Variants in STXBP5L observed in about 807,000 individuals in gnomAD.
STXBP5L encodes the protein syntaxin-binding protein 5-like.
Under a neutral mutation model 144.5 loss-of-function variants are expected in STXBP5L, and 65 were observed. The ratio of observed to expected loss-of-function variants is 0.45; its 90% CI spans 0.37 to 0.55. The LOEUF (loss-of-function observed/expected upper bound fraction) is 0.55. STXBP5L is among the 20% of genes least tolerant of loss of function. STXBP5L has a pLI of 0.00. For synonymous variants in STXBP5L, 505 were observed against 469.6 expected (o/e 1.08, Z -0.97); for missense variants, 1,298 against 1,405.5 (o/e 0.92, Z 1.22).
chr3:121,153,287 G>A (rs548277972), intron 8 of STXBP5L, among the ~76,000 whole-genome samples: 10 of 152,064 alleles, frequency 6.6e-5, no homozygotes, highest in East Asian at 5.8e-4. Flanking sequence ...TAAGAAGACC[G>A]TAAAACTGGG....
chr3:121,047,631 T>G (rs1259483045), intron 5 of STXBP5L, among the ~76,000 whole-genome samples: 1 of 152,208 alleles, frequency 6.6e-6, no homozygotes, highest in African/African-American at 2.4e-5. Context: ...TTTTTTGATC[T>G]TTGTTAGCTT....
chr3:121,393,580 CT>C (rs1461135237), intron 22 of STXBP5L, among the ~76,000 whole-genome samples: 1 of 152,160 alleles, frequency 6.6e-6, no homozygotes, highest in Non-Finnish European at 1.5e-5. Flanking sequence ...ACATTTAAAT[CT>C]GTAATTCACC....
intron 3 of STXBP5L, among the ~76,000 whole-genome samples, chr3:121,017,241 C>T (rs1945206360): frequency 6.6e-6 from 1 of 151,982 alleles, no homozygotes. Context: ...AATCTCACAC[C>T]CACACATGAT....
At chr3:121,302,695 G>GGAACAGAACA (rs1450849290) in intron 19 of STXBP5L, among the ~76,000 whole-genome samples, 2 of 152,060 alleles carry the variant, frequency 1.3e-5, no homozygotes, top group East Asian at 3.8e-4. Context: ...ATAGACCAAT[G>GGAACAGAACA]GAACAGAACA....
At chr3:121,229,113 C>G (rs1355672546) in intron 11 of STXBP5L, among the ~76,000 whole-genome samples, 1 of 152,156 alleles carries the variant, frequency 6.6e-6, no homozygotes, top group Non-Finnish European at 1.5e-5. Flanking sequence ...TACTGAGACA[C>G]CCTGCCTCAC....
At chr3:121,078,748 G>T (rs1453164894) in intron 5 of STXBP5L, among the ~76,000 whole-genome samples, 1 of 152,244 alleles carries the variant, frequency 6.6e-6, no homozygotes, top group African/African-American at 2.4e-5. Flanking sequence ...ATGCCAGTGG[G>T]CCAGCACTGC....
At chr3:121,370,609 G>C (rs933499647) in intron 20 of STXBP5L, among the ~76,000 whole-genome samples, 7 of 152,148 alleles carry the variant, frequency 4.6e-5, no homozygotes, top group Admixed American at 3.3e-4. Flanking sequence ...TTTCTATGTT[G>C]CTTCCATTCT....
intron 3 of STXBP5L, among the ~76,000 whole-genome samples, chr3:120,979,978 T>A (rs1033696344): frequency 4.6e-5 from 7 of 152,240 alleles, no homozygotes; most frequent in Non-Finnish European, 8.8e-5. Flanking sequence ...TCATTATTGA[T>A]GCAACAATCT....
At chr3:121,201,941 G>A (rs1161470418) in intron 9 of STXBP5L, among the ~76,000 whole-genome samples, 4 of 152,166 alleles carry the variant, frequency 2.6e-5, no homozygotes, top group East Asian at 1.9e-4. Flanking sequence ...TTTTTAGTAA[G>A]GACAGGGTTT....
chr3:121,066,833 T>C (rs1002266184), intron 5 of STXBP5L, among the ~76,000 whole-genome samples: 2 of 152,084 alleles, frequency 1.3e-5, no homozygotes, highest in African/African-American at 4.8e-5. Flanking sequence ...AGTAAAGCAA[T>C]GTAGGCCTGG....
At chr3:121,045,221 C>G (rs1055995093) in intron 4 of STXBP5L, among the ~76,000 whole-genome samples, 3 of 152,072 alleles carry the variant, frequency 2.0e-5, no homozygotes, top group African/African-American at 7.2e-5. Flanking sequence ...GCTAGTCTCC[C>G]TGACCGTTGA....
chr3:121,024,125 TC>T (rs1017201787), intron 3 of STXBP5L, among the ~76,000 whole-genome samples: 1 of 152,034 alleles, frequency 6.6e-6, no homozygotes, highest in African/African-American at 2.4e-5. Flanking sequence ...CTTAAAGGAA[TC>T]AAAAGAGAGG....
intron 20 of STXBP5L, 141 bp from the exon 21 acceptor site, chr3:121,378,575 G>C: frequency 1.0e-6 from 1 of 985,118 alleles, no homozygotes; most frequent in Non-Finnish European, 1.4e-6. Flanking sequence ...AGTCTTAAAA[G>C]AACAAGGACT....
chr3:121,010,347 T>G lies in STXBP5L; in HGVS notation c.288-31353T>G, dbSNP rs1944680182. 2.0e-5 allele frequency among the ~76,000 whole-genome samples: 3 copies of G among 151,888 alleles called. No homozygotes were observed. The South Asian group carries it at 6.2e-4, about 31-fold the overall frequency. On this transcript the variant is annotated intron_variant, in intron 3 of 26. Coordinates refer to ENST00000471454, the MANE Select transcript of STXBP5L (RefSeq NM_001308330.2). ...TCCCCTTCAATTGATAGGCTCTGGA[T>G]CTGAGAACTGGCTCATTTATGGAAA...
intron 2 of STXBP5L, among the ~76,000 whole-genome samples, chr3:120,917,099 T>C (rs1449040190): frequency 1.3e-5 from 2 of 152,180 alleles, no homozygotes; most frequent in Non-Finnish European, 2.9e-5. Context: ...GCAGGTAATC[T>C]GAAGCATTCT....
At chr3:121,071,860 A>G (rs1400095012) in intron 5 of STXBP5L, among the ~76,000 whole-genome samples, 1 of 152,180 alleles carries the variant, frequency 6.6e-6, no homozygotes, top group East Asian at 1.9e-4. Flanking sequence ...TTGGCCAAAC[A>G]CTATCTCATA....
chr3:121,267,874 T>C (rs1198151528), intron 18 of STXBP5L, among the ~76,000 whole-genome samples: 3 of 152,176 alleles, frequency 2.0e-5, no homozygotes, highest in South Asian at 2.1e-4. Context: ...CTCACGCCAG[T>C]TAGAATGGTG....
chr3:121,263,967 C>A (rs1328746414), intron 18 of STXBP5L, among the ~76,000 whole-genome samples: 11 of 152,166 alleles, frequency 7.2e-5, no homozygotes. Context: ...GAGAATATCA[C>A]AAAGATACTC....
At chr3:121,262,232 A>G (rs545998320) in intron 18 of STXBP5L, among the ~76,000 whole-genome samples, 1 of 152,212 alleles carries the variant, frequency 6.6e-6, no homozygotes. Context: ...CCCAAAATTT[A>G]TGTCTTTCTC....
Sources: allele counts gnomAD v4.1 joint callset (sites outside exome capture counted in the v4.1 genomes callset), GRCh38; gene constraint gnomAD v4.1.1; transcripts MANE v1.5; gene names NCBI Gene and HGNC (gene_info 2026-07-23, HGNC 2026-07-21).